Variants in TENM4 observed in about 807,000 individuals in gnomAD.
The protein encoded by TENM4 is teneurin transmembrane protein 4.
A neutral mutation model predicts 243.3 loss-of-function variants in TENM4; 82 were observed. The observed-to-expected ratio is 0.34, with a 90% CI of 0.28 to 0.40. TENM4 has a LOEUF of 0.40. Among genes scored for constraint, TENM4 ranks in the 10% least tolerant of loss-of-function variants. The probability of loss-of-function intolerance (pLI) is 1.00; values close to 1 mark genes in which losing one functional copy is unlikely to be tolerated. For synonymous variants in TENM4, 1,412 were observed against 1,456.3 expected, an observed-to-expected ratio of 0.97 and a Z score of 0.69; for missense variants, 3,138 against 3,673.3, an observed-to-expected ratio of 0.85 and a Z score of 3.77.
At chr11:78,849,723 C>A (rs572931087) in intron 12 of TENM4, among the ~76,000 whole-genome samples, 129 of 152,100 alleles carry the variant, frequency 8.5e-4, no homozygotes, top group Non-Finnish European at 1.7e-3. Flanking sequence ...AAATTCATGT[C>A]CTAACTTTTC....
chr11:79,049,288 G>A (rs540962074), intron 6 of TENM4, among the ~76,000 whole-genome samples: 1 of 152,206 alleles, frequency 6.6e-6, no homozygotes, highest in Non-Finnish European at 1.5e-5. Context: ...TACTCAGGAC[G>A]CATCATTTCA....
At chr11:79,181,844 G>A (rs1303337624) in intron 3 of TENM4, among the ~76,000 whole-genome samples, 3 of 151,372 alleles carry the variant, frequency 2.0e-5, no homozygotes, top group East Asian at 1.9e-4. Context: ...ACACATTACC[G>A]TTTACATTAG....
chr11:78,882,920 G>A (rs2725809), intron 9 of TENM4, among the ~76,000 whole-genome samples: 143,570 of 152,318 alleles, frequency 0.94, 68,014 homozygotes, highest in Non-Finnish European at 1. Context: ...GAAAAATGCA[G>A]ATGCAACCTA....
chr11:79,266,056 G>A (rs191995366), intron 2 of TENM4, among the ~76,000 whole-genome samples: 54 of 152,188 alleles, frequency 3.5e-4, no homozygotes, highest in African/African-American at 4.3e-4. Context: ...TTGCCTCTCC[G>A]GCACTCAGCT....
At chr11:78,996,274 T>C (rs139597472) in intron 6 of TENM4, among the ~76,000 whole-genome samples, 28 of 152,278 alleles carry the variant, frequency 1.8e-4, no homozygotes, top group African/African-American at 6.5e-4. Context: ...TCCTCCCTAT[T>C]GGAACACTCT....
intron 4 of TENM4, among the ~76,000 whole-genome samples, chr11:79,113,138 CTT>C (rs1376282219): frequency 6.6e-6 from 1 of 152,112 alleles, no homozygotes; most frequent in African/African-American, 2.4e-5. Flanking sequence ...AAAATCTACT[CTT>C]TGTTTTATCA....
intron 1 of TENM4, among the ~76,000 whole-genome samples, chr11:79,352,039 T>C (rs1468891626): frequency 2.0e-5 from 3 of 152,214 alleles, no homozygotes; most frequent in Non-Finnish European, 4.4e-5. Context: ...ACCTATTTCA[T>C]AAAATGAAAA....
intron 6 of TENM4, among the ~76,000 whole-genome samples, chr11:79,057,835 T>C (rs11237702): frequency 6.6e-6 from 1 of 152,118 alleles, no homozygotes; most frequent in Non-Finnish European, 1.5e-5. Context: ...TAGCCTCATA[T>C]GACAAACCTT....
At chr11:78,889,499 T>C (rs532706401) in intron 9 of TENM4, among the ~76,000 whole-genome samples, 8 of 152,244 alleles carry the variant, frequency 5.3e-5, no homozygotes, top group Admixed American at 3.9e-4. Flanking sequence ...CTAGTCTTAC[T>C]GAGCACTCAC....
intron 1 of TENM4, among the ~76,000 whole-genome samples, chr11:79,432,145 G>A (rs1485464582): frequency 6.6e-6 from 1 of 152,136 alleles, no homozygotes; most frequent in Non-Finnish European, 1.5e-5. Context: ...ATTATCTAGT[G>A]CATTGCTCAA....
chr11:79,350,182 G>A (rs921447993), intron 1 of TENM4, among the ~76,000 whole-genome samples: 15 of 152,164 alleles, frequency 9.9e-5, no homozygotes, highest in Non-Finnish European at 1.3e-4. Flanking sequence ...GCTTCAGAAC[G>A]GGGCTGCTTC....
intron 18 of TENM4, among the ~76,000 whole-genome samples, chr11:78,768,436 T>A (rs577088876): frequency 2.0e-5 from 3 of 152,368 alleles, no homozygotes; most frequent in African/African-American, 7.2e-5. Flanking sequence ...ATCAGTTGAA[T>A]GAGTGGATGC....
At chr11:79,024,557 C>A (rs897560698) in intron 6 of TENM4, among the ~76,000 whole-genome samples, 1 of 152,110 alleles carries the variant, frequency 6.6e-6, no homozygotes, top group East Asian at 1.9e-4. Flanking sequence ...GATATATGGC[C>A]TTGTACTCTC....
At chr11:79,412,560 T>G (rs1858723388) in intron 1 of TENM4, among the ~76,000 whole-genome samples, 1 of 152,244 alleles carries the variant, frequency 6.6e-6, no homozygotes, top group Non-Finnish European at 1.5e-5. Context: ...ATGCTTTGGT[T>G]TCCTCACATA....
intron 25 of TENM4, among the ~76,000 whole-genome samples, chr11:78,713,372 A>C (rs1859445744): frequency 6.6e-6 from 1 of 152,226 alleles, no homozygotes; most frequent in Admixed American, 6.5e-5. Context: ...AAAATAAGCA[A>C]CACAGAAGAG....
At chr11:78,982,390 C>A (rs2136630173) in intron 6 of TENM4, among the ~76,000 whole-genome samples, 1 of 152,248 alleles carries the variant, frequency 6.6e-6, no homozygotes, top group African/African-American at 2.4e-5. Flanking sequence ...TTGTCCTCTT[C>A]CTCAGGGATG....
At chr11:78,899,562 G>GGC (rs1565429982) in intron 7 of TENM4, among the ~76,000 whole-genome samples, 8 of 135,356 alleles carry the variant, frequency 5.9e-5, no homozygotes, top group East Asian at 2.4e-4. Flanking sequence ...CAAAAAGCGG[G>GGC]GGGGGGGGGA....
intron 3 of TENM4, among the ~76,000 whole-genome samples, chr11:79,184,772 T>G (rs1401495977): frequency 6.6e-6 from 1 of 152,128 alleles, no homozygotes; most frequent in African/African-American, 2.4e-5. Flanking sequence ...GTTTGGAAGA[T>G]GAAAAGAGTT....
At chr11:79,155,847 T>C (rs1398017494) in intron 3 of TENM4, among the ~76,000 whole-genome samples, 3 of 151,638 alleles carry the variant, frequency 2.0e-5, no homozygotes, top group African/African-American at 4.9e-5. Context: ...AACATGAAGA[T>C]GTGTATCTGG....
Sources: gnomAD v4.1 joint callset for allele counts (sites outside exome capture counted in the v4.1 genomes callset) on GRCh38, gnomAD v4.1.1 for gene constraint, MANE v1.5 for transcripts, NCBI Gene and HGNC (gene_info 2026-07-23, HGNC 2026-07-21) for gene names.